The following RHBDF2 variants were observed in gnomAD, a reference collection of about 807,000 sequenced individuals.
RHBDF2 encodes the protein rhomboid 5 homolog 2, also known as inactive rhomboid protein 2.
In RHBDF2, 38 loss-of-function variants were observed where a neutral mutation model predicts 95.2. The ratio of observed to expected loss-of-function variants is 0.40; its 90% CI spans 0.31 to 0.52. The LOEUF (loss-of-function observed/expected upper bound fraction) is 0.52. Among genes scored for constraint, RHBDF2 ranks in the 20% least tolerant of loss-of-function variants. The pLI is 0.56. For missense variants in RHBDF2, 863 were observed against 1,137.7 expected, an observed-to-expected ratio of 0.76 and a Z score of 3.47; for synonymous variants, 442 against 462.0, an observed-to-expected ratio of 0.96 and a Z score of 0.55.
At position 76,473,339 on chromosome 17, in the gene RHBDF2, G is replaced by A. The variant is rs750971581; in HGVS notation, c.1734-12C>T. 1 of 1,607,272 alleles carries A rather than the reference G, an allele frequency of 6.2e-7. No homozygotes were observed. The highest frequency in any genetic ancestry group is 8.5e-7 in the Non-Finnish European group (1 of 1,176,392). On this transcript the variant is annotated splice_polypyrimidine_tract_variant and intron_variant, in intron 15 of 18. Coordinates refer to ENST00000675367, the MANE Select transcript of RHBDF2 (RefSeq NM_001005498.4). ...TGGTGATCTCACAGCTAAGGGGGTG[G>A]TGAGGCAAGAGGGGACATCAGGGCG...
At chr17:76,477,833 T>C (rs1177216897) in intron 6 of RHBDF2, 48 bp from the exon 7 acceptor site, 2 of 1,593,216 alleles carry the variant, frequency 1.3e-6, no homozygotes, top group Admixed American at 3.4e-5. Flanking sequence ...CCTGGCCACC[T>C]AGGCCCCCAG....
Position 76,484,949 on chromosome 17 carries a change from C to T in RHBDF2, c.-22+2763G>A, listed in dbSNP as rs536870555. ...CACAAGGGGGAGAGTAACGGTTCCT[C>T]CCCAGAGAAGCGTCTGGAGGAGCAA... On this transcript the variant is annotated intron_variant, in intron 2 of 18. Transcript: ENST00000675367. 3.9e-5 allele frequency among the ~76,000 whole-genome samples: 6 copies of T among 152,328 alleles called. No individual in the cohort carries two copies. In the South Asian group the frequency reaches 1.2e-3, roughly 32 times the overall value.
In RHBDF2 at chr17:76,470,980, C is replaced by G. The variant is rs61563122; in HGVS notation, c.*653G>C. The stretch of plus-strand genomic sequence containing the variant: ...TTAAAAATGAAGACCGTGATATAAA[C>G]TGGTAAAAAACGGGCCTGATGCGCC... On this transcript the variant is annotated 3_prime_UTR_variant, in exon 19 of 19. Transcript: ENST00000675367. 6.6e-6 allele frequency: 1 copy of G among 152,524 alleles called. No individual in the cohort carries two copies. Among genetic ancestry groups the G allele is most frequent in the Non-Finnish European group, 1.5e-5 (1 of 68,310 alleles). 9.4% of individuals were successfully genotyped at this position (152,524 alleles called of 1,614,324 possible).
At position 76,476,647 on chromosome 17, in the gene RHBDF2, C is replaced by T. The variant is rs976905381; in HGVS notation, c.1115+183G>A. On this transcript the variant is annotated intron_variant, in intron 9 of 18. Transcript: ENST00000675367. ...GAAGAGAGGCAGCAAGCACCCCTGG[C>T]CCTTCCCAGGTCATGTGCACAACCC... is the stretch of plus-strand genomic sequence containing the variant. 10 of 864,206 alleles carry T rather than the reference C, an allele frequency of 1.2e-5. No individual in the cohort carries two copies. The African/African-American group carries it at 1.5e-4, about 13-fold the overall frequency. 53.5% of individuals were successfully genotyped at this position (864,206 alleles called of 1,614,324 possible).
chr17:76,482,298 C>T (rs1567882219), intron 2 of RHBDF2, among the ~76,000 whole-genome samples: 1 of 151,476 alleles, frequency 6.6e-6, no homozygotes. Context: ...TGTGCTGGTC[C>T]CTGTCCCCCA....
intron 1 of RHBDF2, among the ~76,000 whole-genome samples, chr17:76,498,963 G>C (rs2074508832): frequency 6.6e-6 from 1 of 152,012 alleles, no homozygotes; most frequent in South Asian, 2.1e-4. Flanking sequence ...TGGGGCCTGA[G>C]GGTGGGCAAC....
At chr17:76,484,338 GTT>G (rs2074058259) in intron 2 of RHBDF2, among the ~76,000 whole-genome samples, 2 of 152,148 alleles carry the variant, frequency 1.3e-5, no homozygotes, top group Non-Finnish European at 2.9e-5. Context: ...TCCTGGGCAA[GTT>G]TTGTTTTTCC....
At chr17:76,480,006 A>ACTGT in intron 3 of RHBDF2, 152 bp from the exon 4 acceptor site, 5 of 598,222 alleles carry the variant, frequency 8.4e-6, no homozygotes, top group Admixed American at 5.1e-5. Context: ...ATATATATAT[A>ACTGT]ATGTGTGTGT....
chr17:76,485,750 G>A (rs1166250886), intron 2 of RHBDF2, among the ~76,000 whole-genome samples: 1 of 152,194 alleles, frequency 6.6e-6, no homozygotes, highest in Non-Finnish European at 1.5e-5. Flanking sequence ...AATATAAAAT[G>A]TGGTTGAGCC....
At chr17:76,474,257 C>A in intron 12 of RHBDF2, 115 bp from the exon 13 acceptor site, 1 of 1,372,508 alleles carries the variant, frequency 7.3e-7, no homozygotes, top group South Asian at 1.3e-5. Flanking sequence ...CTATGGGGGT[C>A]TGGGAAAGGT....
Position 76,481,559 on chromosome 17 carries a change from C to T in RHBDF2, c.-21-14G>A, listed in dbSNP as rs140030695. The stretch of plus-strand genomic sequence containing the variant: ...GAGGCGGGAGGGCTGGAATGGAGAC[C>T]GGGAGAGCAGCGGTGGGCGGTGCGG... On this transcript the variant is annotated splice_polypyrimidine_tract_variant and intron_variant, in intron 2 of 18. Transcript: ENST00000675367. 2.3e-5 allele frequency: 36 copies of T among 1,595,708 alleles called. No individual in the cohort carries two copies. The highest frequency in any genetic ancestry group is 1.3e-4 in the South Asian group (12 of 90,554).
Position 76,479,139 on chromosome 17 carries a change from G to A in RHBDF2, c.411C>T (p.Ser137=), listed in dbSNP as rs1286062972. The change falls in exon 5 of 19, where the codon AGC becomes AGT. Residue 137 remains serine, a synonymous_variant. Transcript: ENST00000675367. ...TGCCCTGGAAGGACGGTGCCTCCTGGCTGGGGAGCTCCAGGTCACGCTGGC... is the reference window on the plus strand; with the variant it reads ...TGCCCTGGAAGGACGGTGCCTCCTGACTGGGGAGCTCCAGGTCACGCTGGC... ...ASCQRDLELP[S]QEAPSFQGTE... The A allele has an allele frequency of 2.5e-6, 4 of 1,613,526 alleles. No individual in the cohort carries two copies. The highest frequency in any genetic ancestry group is 1.7e-5 in the Admixed American group (1 of 60,026).
chr17:76,492,377 C>A (rs1444826809), intron 1 of RHBDF2, among the ~76,000 whole-genome samples: 1 of 152,202 alleles, frequency 6.6e-6, no homozygotes, highest in Non-Finnish European at 1.5e-5. Flanking sequence ...CAACGAAACA[C>A]AGACTCAGAC....
At chr17:76,472,865 G>A (rs773670875) in intron 17 of RHBDF2, 26 bp from the exon 18 acceptor site, 96 of 1,576,530 alleles carry the variant, frequency 6.1e-5, no homozygotes, top group Middle Eastern at 1.7e-4. Context: ...ACCAGGCAGC[G>A]GCCTTCAGCC....
Position 76,477,037 on chromosome 17 carries a change from G to A in RHBDF2, c.921-13C>T. 1 of 1,612,644 alleles carries A rather than the reference G, an allele frequency of 6.2e-7. No homozygotes were observed. The highest frequency in any genetic ancestry group is 8.5e-7 in the Non-Finnish European group (1 of 1,179,420). ...GCCATACTCCTTCCTGGTGGGGATG[G>A]TGGCTTTCAGCCTGAATCCCCCACC... On this transcript the variant is annotated splice_polypyrimidine_tract_variant and intron_variant, in intron 8 of 18. Transcript: ENST00000675367.
At position 76,474,394 on chromosome 17, in the gene RHBDF2, C is replaced by A. The variant is rs1383888363; in HGVS notation, c.1443G>T (p.Gln481His). ...CVQNDHSGCI[Q>H]TQRKDCSETL... ...CCACCGAGCAGTCCTTCCGCTGGGT[C>A]TGGATGCATCCGGAGTGGTCATTCT... Residue 481 changes from glutamine to histidine, a missense_variant, in exon 12 of 19, where the codon CAG becomes CAT. This residue lies in a region of RHBDF2 where 611 missense variants were observed against 725.5 expected (regional missense o/e 0.84). Coordinates refer to ENST00000675367, the MANE Select transcript of RHBDF2 (RefSeq NM_001005498.4). The A allele has an allele frequency of 1.2e-6, 2 of 1,613,596 alleles. No individual in the cohort carries two copies. The highest frequency in any genetic ancestry group is 1.7e-5 in the Admixed American group (1 of 60,016).
Position 76,477,354 on chromosome 17 carries a change from C to T in RHBDF2, c.802-56G>A, listed in dbSNP as rs186302863. ...AGGAGTCTGTCCCAAACACTGCCCC[C>T]CGGAACCTCAATTCAAGGGCAGGAC... On this transcript the variant is annotated intron_variant, in intron 7 of 18. Transcript: ENST00000675367. The T allele has an allele frequency of 1.5e-4, 235 of 1,571,458 alleles. No individual in the cohort carries two copies. The African/African-American group carries it at 2.9e-3, about 19-fold the overall frequency.
rs146218351 is a variant in RHBDF2, at chr17:76,494,913, C to T, written c.-220+6440G>A. On this transcript the variant is annotated intron_variant, in intron 1 of 18. Coordinates refer to ENST00000675367, the MANE Select transcript of RHBDF2 (RefSeq NM_001005498.4). ...TTGGGGCAATGAAGGGAAGGGGGCA[C>T]GCACAGCAGCCGGGCCCCAGTTCTC... Among the ~76,000 whole-genome samples the T allele has an allele frequency of 3.5e-3, 535 of 152,288 alleles. 3 individuals are homozygous for T. Among genetic ancestry groups the T allele is most frequent in the African/African-American group, 0.012 (496 of 41,550 alleles).
chr17:76,480,206 C>A (rs1024362194), intron 3 of RHBDF2, among the ~76,000 whole-genome samples: 3 of 149,312 alleles, frequency 2.0e-5, no homozygotes, highest in African/African-American at 7.4e-5. Flanking sequence ...CCTCAGCCTC[C>A]TGAGTAGCTG....
Sources: allele counts gnomAD v4.1 joint callset (sites outside exome capture counted in the v4.1 genomes callset), GRCh38; gene constraint gnomAD v4.1.1; regional missense constraint gnomAD v4.1.1; transcripts MANE v1.5; gene names NCBI Gene and HGNC (gene_info 2026-07-23, HGNC 2026-07-21).